ARHGAP25: variants seen among roughly 807,000 people sequenced by gnomAD.
The protein encoded by ARHGAP25 is rho GTPase-activating protein 25.
ARHGAP25 carries 34 observed loss-of-function variants against 71.0 expected under a neutral mutation model. That is an observed-to-expected ratio of 0.48 (90% confidence interval 0.36 to 0.64). The LOEUF (loss-of-function observed/expected upper bound fraction) is 0.64, where lower values mean the gene tolerates loss of function less well. ARHGAP25 is among the 30% of genes least tolerant of loss of function. The pLI is 0.00. For missense variants in ARHGAP25, 706 were observed against 805.1 expected (o/e 0.88, Z 1.49); for synonymous variants, 282 against 296.5 (o/e 0.95, Z 0.50).
intron 1 of ARHGAP25, among the ~76,000 whole-genome samples, chr2:68,736,586 G>T (rs369970293): frequency 6.6e-6 from 1 of 152,170 alleles, no homozygotes; most frequent in East Asian, 1.9e-4. Flanking sequence ...AAACAAGAAA[G>T]TTGAGACAAT....
intron 4 of ARHGAP25, among the ~76,000 whole-genome samples, chr2:68,805,939 G>A (rs113652491): frequency 7.9e-5 from 12 of 152,334 alleles, no homozygotes; most frequent in African/African-American, 2.9e-4. Flanking sequence ...TCCAGGGTAT[G>A]GAAGCCTGGT....
At chr2:68,825,583 G>A (rs1322686704) in intron 10 of ARHGAP25, among the ~76,000 whole-genome samples, 1 of 151,976 alleles carries the variant, frequency 6.6e-6, no homozygotes, top group Non-Finnish European at 1.5e-5. Flanking sequence ...GGCTAACATG[G>A]TGAAACCCTG....
chr2:68,787,953 G>A lies in ARHGAP25; in HGVS notation c.463G>A (p.Gly155Arg). Residue 155 changes from glycine to arginine, a missense_variant, in exon 4 of 11, where the codon GGA becomes AGA. By Grantham distance (125) the Gly-to-Arg change is moderately radical. Transcript: ENST00000409202. ...CAGGAGAGTTGCTGGCACACCCTGTGGAGGTAAGGACCCCTGCAGGCTTTC... is the reference window on the plus strand; with the variant it reads ...CAGGAGAGTTGCTGGCACACCCTGTAGAGGTAAGGACCCCTGCAGGCTTTC... The part of the protein sequence containing the change: ...FLRRVAGTPC[G>R]AVFGQRLDET... 1 of 1,613,718 alleles carries A rather than the reference G, an allele frequency of 6.2e-7. No homozygotes were observed. The highest frequency in any genetic ancestry group is 8.5e-7 in the Non-Finnish European group (1 of 1,179,608).
rs910535906 is a variant in ARHGAP25, at chr2:68,822,954, G to C, written c.1733+82G>C. ...GGGATTGTTCCCATCCGCCAGAGAA[G>C]TCACATCATAAAGCTTCAATTTGGG... On this transcript the variant is annotated intron_variant, in intron 10 of 10. Transcript: ENST00000409202. The C allele has an allele frequency of 1.4e-5, 19 of 1,402,650 alleles. No individual in the cohort carries two copies. In the East Asian group the frequency reaches 4.4e-4, roughly 32 times the overall value. The allele number at this position is 1,402,650 out of a possible 1,614,324, so 86.9% of individuals were successfully genotyped here. A position where few individuals can be genotyped will look rare whatever the true frequency, so the allele number is the denominator to read the frequency against.
At chr2:68,731,701 T>G (rs982278542), upstream of ARHGAP25, among the ~76,000 whole-genome samples, 4 of 152,126 alleles carry the variant, frequency 2.6e-5, no homozygotes, top group Admixed American at 2.6e-4. Flanking sequence ...TCTGGAATCC[T>G]TTTTCCAACC....
rs1677810328 is a variant in ARHGAP25 at position 68,775,366 on chromosome 2, G to T, written c.207G>T (p.Val69=). Residue 69 remains valine, a synonymous_variant, in exon 2 of 11, where the codon GTG becomes GTT. Transcript: ENST00000409202. The part of the protein sequence containing the change: ...IVKNWQQRYF[V]LRAQQLYYYK... ...AGAACTGGCAGCAGAGGTACTTTGT[G>T]CTGAGGGCGCAGCAGCTCTACTACT... 3 of 1,614,128 alleles carry T rather than the reference G, an allele frequency of 1.9e-6. No individual in the cohort carries two copies. The highest frequency in any genetic ancestry group is 2.5e-6 in the Non-Finnish European group (3 of 1,180,062).
chr2:68,774,040 G>A (rs1459293385), intron 1 of ARHGAP25, among the ~76,000 whole-genome samples: 1 of 152,140 alleles, frequency 6.6e-6, no homozygotes, highest in Non-Finnish European at 1.5e-5. Context: ...GAAATGGGTC[G>A]GGAGCAGAGT....
intron 1 of ARHGAP25, among the ~76,000 whole-genome samples, chr2:68,761,532 CA>C (rs36034485): frequency 0.57 from 86,679 of 151,222 alleles, 25,899 homozygotes; most frequent in Non-Finnish European, 0.66. Context: ...CTAAACTCTA[CA>C]AAAAAAAACC....
chr2:68,824,635 A>G (rs920270722), intron 10 of ARHGAP25, among the ~76,000 whole-genome samples: 9 of 152,140 alleles, frequency 5.9e-5, no homozygotes, highest in Non-Finnish European at 1.0e-4. Context: ...CCAGCTACTC[A>G]GGAGGCTGAG....
intron 6 of ARHGAP25, among the ~76,000 whole-genome samples, chr2:68,815,569 G>A (rs943449657): frequency 2.7e-5 from 4 of 146,238 alleles, no homozygotes; most frequent in Non-Finnish European, 4.5e-5. Context: ...TTCTGCCTCA[G>A]CCTCCCGAGT....
At chr2:68,720,089 T>C (rs1674721186) in intron 2 of ARHGAP25, among the ~76,000 whole-genome samples, 2 of 152,142 alleles carry the variant, frequency 1.3e-5, no homozygotes, top group Admixed American at 1.3e-4. Context: ...CTGTGCACTA[T>C]CAGCTGACTG....
chr2:68,744,062 G>A (rs1675675104), intron 1 of ARHGAP25, among the ~76,000 whole-genome samples: 1 of 151,732 alleles, frequency 6.6e-6, no homozygotes, highest in South Asian at 2.1e-4. Context: ...CAGCCTCCTT[G>A]AAACTGTCAT....
intron 4 of ARHGAP25, among the ~76,000 whole-genome samples, chr2:68,794,593 C>A (rs1033874625): frequency 6.6e-6 from 1 of 152,138 alleles, no homozygotes; most frequent in Non-Finnish European, 1.5e-5. Context: ...TATATTGAAT[C>A]ATCCTTACAT....
intron 4 of ARHGAP25, among the ~76,000 whole-genome samples, chr2:68,793,494 G>T (rs965664856): frequency 2.6e-5 from 4 of 152,046 alleles, no homozygotes; most frequent in Non-Finnish European, 5.9e-5. Context: ...TCAGCATTTG[G>T]CAATCAGATT....
Position 68,807,458 on chromosome 2 carries a change from G to A in ARHGAP25, c.652G>A (p.Gly218Arg). 6.2e-7 allele frequency: 1 copy of A among 1,614,164 alleles called. No individual in the cohort carries two copies. Residue 218 changes from glycine to arginine, a missense_variant, in exon 5 of 11, where the codon GGG becomes AGG. Transcript: ENST00000409202. ...GCAGCTGAGAGACGCTTTTGATGCT[G>A]GGGAGCGGCCCTCCTTTGACAGGTA... ...VKQLRDAFDA[G>R]ERPSFDRDTD...
chr2:68,725,714 A>C (rs113142573), intron 2 of ARHGAP25, among the ~76,000 whole-genome samples: 1,590 of 152,288 alleles, frequency 0.01, 28 homozygotes, highest in African/African-American at 0.037. Context: ...GCAAAGTCCT[A>C]TGAAGCCCCA....
upstream of ARHGAP25, among the ~76,000 whole-genome samples, chr2:68,731,251 T>C (rs1675014447): frequency 6.6e-6 from 1 of 152,044 alleles, no homozygotes; most frequent in Admixed American, 6.5e-5. Flanking sequence ...TTACCAATCC[T>C]CACTGTTTTT....
At chr2:68,793,947 G>A (rs1679369341) in intron 4 of ARHGAP25, among the ~76,000 whole-genome samples, 1 of 151,894 alleles carries the variant, frequency 6.6e-6, no homozygotes, top group African/African-American at 2.4e-5. Context: ...AATTTCTTTT[G>A]TCAGTGATTC....
At position 68,750,487 on chromosome 2, in the gene ARHGAP25, G is replaced by T. The variant is rs1283199284; in HGVS notation, c.61+15227G>T. Reference sequence around the variant, plus strand: ...ACAGGCACCTGTCACCATGCTCGGCGTATTTGTATTTTTAGTAGAGACTGG... The same window carrying T: ...ACAGGCACCTGTCACCATGCTCGGCTTATTTGTATTTTTAGTAGAGACTGG... On this transcript the variant is annotated intron_variant, in intron 1 of 10. Transcript: ENST00000409202. 3.9e-5 allele frequency among the ~76,000 whole-genome samples: 6 copies of T among 151,908 alleles called. 1 individual carries two copies. In the South Asian group the frequency reaches 1.0e-3, roughly 26 times the overall value.
Sources: allele counts gnomAD v4.1 joint callset (sites outside exome capture counted in the v4.1 genomes callset), GRCh38; gene constraint gnomAD v4.1.1; transcripts MANE v1.5; gene names NCBI Gene and HGNC (gene_info 2026-07-23, HGNC 2026-07-21).